The following FRAS1 variants were observed in gnomAD, a reference collection of about 807,000 sequenced individuals.
FRAS1 encodes Fraser extracellular matrix complex subunit 1, also known as extracellular matrix organizing protein FRAS1.
In FRAS1, 290 loss-of-function variants were observed where a neutral mutation model predicts 435.2. The observed-to-expected ratio is 0.67, with a 90% confidence interval of 0.61 to 0.73. The LOEUF is 0.73. Among genes scored for constraint, FRAS1 ranks in the 30% least tolerant of loss-of-function variants. FRAS1 has a pLI of 0.00. For synonymous variants in FRAS1, 1,800 were observed against 1,851.0 expected, an observed-to-expected ratio of 0.97 and a Z score of 0.71; for missense variants, 4,860 against 5,001.5, an observed-to-expected ratio of 0.97 and a Z score of 0.85.
chr4:78,096,762 C>A (rs1005167204), intron 2 of FRAS1, among the ~76,000 whole-genome samples: 2 of 152,210 alleles, frequency 1.3e-5, no homozygotes, highest in East Asian at 1.9e-4. Context: ...GGGCCTGGCC[C>A]ACGAAACCAC....
At chr4:78,304,608 C>A (rs1041220518) in intron 14 of FRAS1, among the ~76,000 whole-genome samples, 1 of 151,598 alleles carries the variant, frequency 6.6e-6, no homozygotes, top group African/African-American at 2.4e-5. Flanking sequence ...GTGTATGTGT[C>A]GAGGAATTTA....
Position 78,339,957 on chromosome 4 carries a change from T to C in FRAS1, c.2422+2140T>C, listed in dbSNP as rs149209867. Among the ~76,000 whole-genome samples, 104 of 152,306 alleles carry C rather than the reference T, an allele frequency of 6.8e-4. 1 individual carries two copies. The Middle Eastern group carries it at 0.027, about 40-fold the overall frequency. On this transcript the variant is annotated intron_variant, in intron 20 of 73. Coordinates refer to ENST00000512123, the MANE Select transcript of FRAS1 (RefSeq NM_025074.7). The stretch of plus-strand genomic sequence containing the variant: ...CCTGAATTATATCCTTCATGATGGC[T>C]TTTTTATTTAAAATGTAACTCTGAA...
chr4:78,311,147 G>A (rs1259368832), intron 15 of FRAS1, among the ~76,000 whole-genome samples: 1 of 122,454 alleles, frequency 8.2e-6, no homozygotes, highest in African/African-American at 2.6e-5. Context: ...GTTTCTGTTA[G>A]TCATTCCCTC....
chr4:78,304,018 G>A (rs1411765915), intron 14 of FRAS1, among the ~76,000 whole-genome samples: 2 of 151,774 alleles, frequency 1.3e-5, no homozygotes, highest in Non-Finnish European at 2.9e-5. Flanking sequence ...TTATTATTTT[G>A]AAATATGTCC....
intron 19 of FRAS1, among the ~76,000 whole-genome samples, chr4:78,336,844 A>T (rs958753975): frequency 6.6e-6 from 1 of 152,136 alleles, no homozygotes; most frequent in Admixed American, 6.5e-5. Flanking sequence ...TGTCCTTGGC[A>T]GAGAAGTTCT....
At chr4:78,375,627 G>A in intron 25 of FRAS1, 112 bp from the exon 26 acceptor site, 1 of 859,288 alleles carries the variant, frequency 1.2e-6, no homozygotes, top group Non-Finnish European at 1.7e-6. Context: ...TTTTGTTACA[G>A]TTGGGGCTCA....
Position 78,499,782 on chromosome 4 carries a change from C to T in FRAS1, c.9177C>T (p.Ala3059=). Reference sequence around the variant, plus strand: ...TCCGGGAACCCGCAGGCCCAGATGCCATTGCGATTCTGAACATCAAGGTGA... The same window carrying T: ...TCCGGGAACCCGCAGGCCCAGATGCTATTGCGATTCTGAACATCAAGGTGA... The part of the protein sequence containing the change: ...YQVREPAGPD[A]IAILNIKVIR... The change falls in exon 61 of 74, where the codon GCC becomes GCT. Residue 3059 remains alanine (A), a synonymous_variant. Transcript: ENST00000512123. The T allele has an allele frequency of 3.1e-6, 5 of 1,613,904 alleles. No homozygotes were observed. The highest frequency in any genetic ancestry group is 4.2e-6 in the Non-Finnish European group (5 of 1,179,832).
intron 4 of FRAS1, among the ~76,000 whole-genome samples, chr4:78,247,798 C>T (rs2110127126): frequency 6.6e-6 from 1 of 152,280 alleles, no homozygotes; most frequent in African/African-American, 2.4e-5. Context: ...GTAATGGAGA[C>T]TCCCAGTAGC....
intron 27 of FRAS1, among the ~76,000 whole-genome samples, chr4:78,382,019 G>A (rs1578288175): frequency 6.6e-6 from 1 of 152,156 alleles, no homozygotes; most frequent in East Asian, 1.9e-4. Context: ...ATCAGTTTGT[G>A]TTTTGTTTTG....
chr4:78,264,045 G>A (rs1033926913), intron 6 of FRAS1, among the ~76,000 whole-genome samples: 4 of 152,150 alleles, frequency 2.6e-5, no homozygotes, highest in Non-Finnish European at 5.9e-5. Context: ...ATAAGAGAAA[G>A]TGAAGACAAC....
chr4:78,422,613 G>A (rs1733833365), intron 34 of FRAS1, among the ~76,000 whole-genome samples: 1 of 152,164 alleles, frequency 6.6e-6, no homozygotes, highest in Non-Finnish European at 1.5e-5. Flanking sequence ...AATGTGAAGG[G>A]TCAGGCAGAG....
At chr4:78,292,458 G>A (rs951471509) in intron 14 of FRAS1, among the ~76,000 whole-genome samples, 2 of 152,136 alleles carry the variant, frequency 1.3e-5, no homozygotes, top group Non-Finnish European at 2.9e-5. Flanking sequence ...AAAAGCTGTG[G>A]CCTGAGCAGA....
Position 78,265,083 on chromosome 4 carries a change from GCT to G in FRAS1, c.665_666del (p.Ser222CysfsTer10). The G allele has an allele frequency of 8.1e-6, 13 of 1,613,242 alleles. No homozygotes were observed. In the Admixed American group the frequency reaches 8.3e-5, roughly 10 times the overall value. ...TGCCCGCAGTGCTCTGCAAGATCCTGCTCTGCAGCTGGCCAAGTATACGAGGT... is the reference window on the plus strand; with the variant it reads ...TGCCCGCAGTGCTCTGCAAGATCCTGCTGCAGCTGGCCAAGTATACGAGGT... On this transcript the variant is annotated frameshift_variant, in exon 7 of 74. Coordinates refer to ENST00000512123, the MANE Select transcript of FRAS1 (RefSeq NM_025074.7). LOFTEE classifies it high-confidence loss of function.
intron 38 of FRAS1, among the ~76,000 whole-genome samples, chr4:78,436,765 A>G (rs992889365): frequency 3.3e-5 from 5 of 152,194 alleles, no homozygotes; most frequent in Non-Finnish European, 4.4e-5. Flanking sequence ...AAAATGAAAA[A>G]TATGTATTCT....
intron 6 of FRAS1, among the ~76,000 whole-genome samples, chr4:78,263,166 C>T (rs1237119511): frequency 6.6e-6 from 1 of 152,200 alleles, no homozygotes; most frequent in African/African-American, 2.4e-5. Flanking sequence ...TATCTCTGCT[C>T]CACCTCCCTA....
In FRAS1 at chr4:78,541,024, G is replaced by A; in HGVS notation, c.11939G>A (p.Ser3980Asn). 9.8e-6 allele frequency: 15 copies of A among 1,529,152 alleles called. No homozygotes were observed. Among genetic ancestry groups the A allele is most frequent in the Non-Finnish European group, 1.2e-5 (14 of 1,133,572 alleles). 94.7% of individuals were successfully genotyped at this position (1,529,152 alleles called of 1,614,324 possible). ...ACTGTGCGGAACGTCAACATCCTGAGTGAGCCTGAGGCGGCTTACACGTTC... is the reference window on the plus strand; with the variant it reads ...ACTGTGCGGAACGTCAACATCCTGAATGAGCCTGAGGCGGCTTACACGTTC... ...YCTVRNVNIL[S>N]EPEAAYTFKG... The change falls in exon 74 of 74, where the codon AGT becomes AAT. Residue 3980 changes from serine (S) to asparagine (N), a missense_variant. Physicochemically the swap from Ser to Asn is conservative, Grantham distance 46. Coordinates refer to ENST00000512123, the MANE Select transcript of FRAS1 (RefSeq NM_025074.7).
intron 2 of FRAS1, among the ~76,000 whole-genome samples, chr4:78,093,730 G>A (rs1287028469): frequency 6.6e-6 from 1 of 152,148 alleles, no homozygotes; most frequent in African/African-American, 2.4e-5. Context: ...CAAAGCCAGT[G>A]AATGGTGAAA....
In FRAS1 at chr4:78,387,695, G is replaced by A. The variant is rs374017146; in HGVS notation, c.3969G>A (p.Val1323=). Residue 1323 remains valine, a synonymous_variant, in exon 29 of 74, where the codon GTG becomes GTA. Coordinates refer to ENST00000512123, the MANE Select transcript of FRAS1 (RefSeq NM_025074.7). ...ATATACTGTTCCAAGTGAAGACCGT[G>A]CCTCAGGTAGGTGTCATTCCTAGAG... ...FHNILFQVKT[V]PQNDRGLQLV... is the part of the protein sequence containing the mutation. 1 of 1,515,458 alleles carries A rather than the reference G, an allele frequency of 6.6e-7. No homozygotes were observed. Among genetic ancestry groups the A allele is most frequent in the Non-Finnish European group, 8.9e-7 (1 of 1,127,500 alleles). 93.9% of individuals were successfully genotyped at this position (1,515,458 alleles called of 1,614,324 possible).
At chr4:78,214,556 C>G (rs773909227) in intron 2 of FRAS1, among the ~76,000 whole-genome samples, 13 of 152,164 alleles carry the variant, frequency 8.5e-5, no homozygotes, top group Admixed American at 6.5e-5. Context: ...TCTGAACATC[C>G]TACATACATC....
Sources: gnomAD v4.1 joint callset for allele counts (sites outside exome capture counted in the v4.1 genomes callset) on GRCh38, gnomAD v4.1.1 for gene constraint, MANE v1.5 for transcripts, NCBI Gene and HGNC (gene_info 2026-07-23, HGNC 2026-07-21) for gene names.